SORBS2: variants seen among roughly 807,000 people sequenced by gnomAD.
SORBS2 encodes the protein sorbin and SH3 domain-containing protein 2.
A neutral mutation model predicts 97.7 loss-of-function variants in SORBS2; 46 were observed. That is an observed-to-expected ratio of 0.47 (90% CI 0.37 to 0.60). SORBS2 has a LOEUF of 0.60. Ranked by LOEUF, SORBS2 falls within the 20% of genes least tolerant of loss-of-function variation. SORBS2 has a pLI of 0.00. For missense variants in SORBS2, 1,316 were observed against 1,282.3 expected (o/e 1.03, Z -0.40); for synonymous variants, 476 against 473.4 (o/e 1.01, Z -0.07).
upstream of SORBS2, chr4:185,657,569 G>A (rs926618622): frequency 1.0e-5 from 16 of 1,588,040 alleles, no homozygotes; most frequent in East Asian, 1.2e-4. Context: ...CAGAGACTGC[G>A]CATGCTGGGG....
chr4:185,622,328 T>C (rs1030737014), intron 7 of SORBS2, among the ~76,000 whole-genome samples: 3 of 152,224 alleles, frequency 2.0e-5, no homozygotes, highest in African/African-American at 7.2e-5. Flanking sequence ...GACTTTTATA[T>C]ATATAGCTTA....
intron 2 of SORBS2, among the ~76,000 whole-genome samples, chr4:185,696,885 T>C (rs539103088): frequency 2.0e-5 from 3 of 152,378 alleles, no homozygotes; most frequent in Admixed American, 6.5e-5. Flanking sequence ...GAGAATTCCA[T>C]TGGCTTATAA....
chr4:185,669,083 G>T (rs7686233), intron 4 of SORBS2, among the ~76,000 whole-genome samples: 110,858 of 152,118 alleles, frequency 0.73, 40,487 homozygotes, highest in African/African-American at 0.77. Flanking sequence ...AAGAGAGCCT[G>T]TGGATGAGAG....
intron 1 of SORBS2, among the ~76,000 whole-genome samples, chr4:185,794,121 T>G (rs2099094340): frequency 6.6e-6 from 1 of 152,238 alleles, no homozygotes; most frequent in South Asian, 2.1e-4. Context: ...TAAAACTAAG[T>G]GACCAAACAT....
At chr4:185,612,171 T>A (rs951282125) in intron 11 of SORBS2, among the ~76,000 whole-genome samples, 191 bp from the exon 24 acceptor site, 5 of 152,208 alleles carry the variant, frequency 3.3e-5, no homozygotes, top group Admixed American at 6.5e-5. Context: ...AACATATATG[T>A]AATTGAAATG....
upstream of SORBS2, chr4:185,657,618 A>G (rs761753862): frequency 3.1e-5 from 49 of 1,585,308 alleles, no homozygotes; most frequent in Non-Finnish European, 4.2e-5. Context: ...ATTTGGTAAC[A>G]TGGAACGTAT....
chr4:185,660,738 T>C (rs535691539), upstream of SORBS2, among the ~76,000 whole-genome samples: 1 of 152,032 alleles, frequency 6.6e-6, no homozygotes, highest in African/African-American at 2.4e-5. Flanking sequence ...GTGGTTCAAG[T>C]CCTGGGTTTT....
chr4:185,784,329 A>T (rs1196346993), intron 1 of SORBS2, among the ~76,000 whole-genome samples: 1 of 152,030 alleles, frequency 6.6e-6, no homozygotes, highest in Admixed American at 6.6e-5. Flanking sequence ...ACGGCATTTC[A>T]CTATGTTGGC....
At chr4:185,938,746 C>T (rs570597487) in intron 1 of SORBS2, among the ~76,000 whole-genome samples, 63 of 152,170 alleles carry the variant, frequency 4.1e-4, no homozygotes, top group Non-Finnish European at 8.5e-4. Context: ...GCTTTCCCCC[C>T]CAGCAGCCTG....
intron 2 of SORBS2, among the ~76,000 whole-genome samples, chr4:185,742,402 G>A (rs1413713491): frequency 6.6e-6 from 1 of 152,146 alleles, no homozygotes; most frequent in Non-Finnish European, 1.5e-5. Flanking sequence ...TAAGGCACCT[G>A]CTTCATAGAT....
At chr4:185,660,129 C>A (rs1331790020), upstream of SORBS2, among the ~76,000 whole-genome samples, 2 of 152,138 alleles carry the variant, frequency 1.3e-5, no homozygotes, top group Non-Finnish European at 2.9e-5. Flanking sequence ...TCTTCCCATG[C>A]AGAATATTTT....
chr4:185,707,513 G>GT lies in SORBS2; in HGVS notation c.-197-28692dup, dbSNP rs5864953. ...TAAGACAAATGTCATAAACATCTTT[G>GT]TTTTTTTTTTTTATCATGGGTACAA... On this transcript the variant is annotated intron_variant, in intron 2 of 20. Coordinates refer to the SORBS2 transcript ENST00000284776. 2.5e-3 allele frequency among the ~76,000 whole-genome samples: 377 copies of GT among 148,498 alleles called. 2 individuals carry two copies. Among genetic ancestry groups the GT allele is most frequent in the African/African-American group, 8.1e-3 (325 of 40,230 alleles).
At chr4:185,701,555 C>A (rs1359675124) in intron 2 of SORBS2, among the ~76,000 whole-genome samples, 7 of 152,202 alleles carry the variant, frequency 4.6e-5, no homozygotes, top group Non-Finnish European at 7.3e-5. Context: ...AAATCCAGAA[C>A]CCACGCTGGG....
At chr4:185,687,317 C>T (rs1008614629) in intron 2 of SORBS2, among the ~76,000 whole-genome samples, 7 of 152,298 alleles carry the variant, frequency 4.6e-5, no homozygotes, top group East Asian at 3.9e-4. Flanking sequence ...CGTGAGCCAC[C>T]GTGACTGTCT....
intron 1 of SORBS2, among the ~76,000 whole-genome samples, chr4:185,891,770 C>T: frequency 6.6e-6 from 1 of 152,124 alleles, no homozygotes; most frequent in East Asian, 1.9e-4. Context: ...TATTGCAATG[C>T]CATAGTCTCA....
chr4:185,909,840 C>T lies in SORBS2; in HGVS notation c.-338+46356G>A, dbSNP rs11132363. ...TATTATTCAAAGAGAAAAAATTTGC[C>T]AGGCATGGTGGCAGGTGCCTGTAAT... On this transcript the variant is annotated intron_variant, in intron 1 of 20. Transcript: ENST00000284776. Among the ~76,000 whole-genome samples, 315 of 151,980 alleles carry T rather than the reference C, an allele frequency of 2.1e-3. 1 individual carries two copies. Among genetic ancestry groups the T allele is most frequent in the African/African-American group, 7.4e-3 (306 of 41,464 alleles).
chr4:185,585,773 C>T (rs1181105888), exon 15 of SORBS2: 2 of 152,248 alleles, frequency 1.3e-5, no homozygotes, highest in African/African-American at 4.8e-5. Context: ...GACTTAATTT[C>T]AAACCTGAAG....
intron 2 of SORBS2, among the ~76,000 whole-genome samples, chr4:185,741,690 T>G (rs1013962019): frequency 6.6e-6 from 1 of 152,122 alleles, no homozygotes; most frequent in East Asian, 1.9e-4. Flanking sequence ...CACATACTCC[T>G]GCTCTTGTGG....
chr4:185,868,159 C>CTTTT lies in SORBS2; in HGVS notation c.-338+88033_-338+88036dup, dbSNP rs112680775. Among the ~76,000 whole-genome samples, 16 of 105,216 alleles carry CTTTT rather than the reference C, an allele frequency of 1.5e-4. 2 individuals are homozygous for CTTTT. Among genetic ancestry groups the CTTTT allele is most frequent in the South Asian group, 6.4e-4 (2 of 3,120 alleles). 69.0% of individuals were successfully genotyped at this position (105,216 alleles called of 152,430 possible). A position where few individuals can be genotyped will look rare whatever the true frequency, so the allele number is the denominator to read the frequency against. ...TCTCTTTTCTTTTCTTTTTTTCTTT[C>CTTTT]TTTTTTTTTTTTTTTGAGGCAGAGT... is the stretch of plus-strand genomic sequence containing the variant. On this transcript the variant is annotated intron_variant, in intron 1 of 20. Coordinates refer to the SORBS2 transcript ENST00000284776.
Sources: gnomAD v4.1 joint callset for allele counts (sites outside exome capture counted in the v4.1 genomes callset) on GRCh38, gnomAD v4.1.1 for gene constraint, MANE v1.5 for transcripts, NCBI Gene and HGNC (gene_info 2026-07-23, HGNC 2026-07-21) for gene names.